BIRC3: variants seen among roughly 807,000 people sequenced by gnomAD.
BIRC3 encodes the protein baculoviral IAP repeat-containing protein 3.
In BIRC3, 26 loss-of-function variants were observed where a neutral mutation model predicts 59.0. That is an observed-to-expected ratio of 0.44 (90% confidence interval 0.32 to 0.61). BIRC3 has a LOEUF of 0.61. Among genes scored for constraint, BIRC3 ranks in the 20% least tolerant of loss-of-function variants. BIRC3 has a pLI of 0.04. For synonymous variants in BIRC3, 243 were observed against 249.2 expected, an observed-to-expected ratio of 0.98 and a Z score of 0.24; for missense variants, 641 against 711.5, an observed-to-expected ratio of 0.90 and a Z score of 1.13.
rs769041751 is a variant in BIRC3 at position 102,328,942 on chromosome 11, T to C, written c.1078T>C (p.Ser360Pro). 3 of 1,455,910 alleles carry C rather than the reference T, an allele frequency of 2.1e-6. No homozygotes were observed. In the African/African-American group the frequency reaches 4.5e-5, roughly 22 times the overall value. The allele number at this position is 1,455,910 out of a possible 1,614,324, so 90.2% of individuals were successfully genotyped here. ...DSPGDENAES[S>P]IIHFEPGEDH... ...CCCAGGAGATGAAAATGCAGAGTCA[T>C]CAAGTAAGTACAATGGATAATAATG... is the stretch of plus-strand genomic sequence containing the variant. The change falls in exon 5 of 9, where the codon TCA (serine) becomes CCA (proline). Residue 360 changes from serine (S) to proline (P), a missense_variant. Coordinates refer to ENST00000263464, the MANE Select transcript of BIRC3 (RefSeq NM_001165.5).
At chr11:102,328,305 C>A (rs1951104781) in intron 4 of BIRC3, among the ~76,000 whole-genome samples, 175 bp downstream of exon 4, 1 of 152,044 alleles carries the variant, frequency 6.6e-6, no homozygotes, top group African/African-American at 2.4e-5. Context: ...AAAATAGATC[C>A]ATAAATGGTA....
Position 102,327,966 on chromosome 11 carries a change from C to T in BIRC3, c.954-86C>T, listed in dbSNP as rs567440466. 1.9e-3 allele frequency: 1,904 copies of T among 994,572 alleles called. 4 individuals carry two copies. Among genetic ancestry groups the T allele is most frequent in the Non-Finnish European group, 2.4e-3 (1,612 of 665,548 alleles). 61.6% of individuals were successfully genotyped at this position (994,572 alleles called of 1,614,324 possible). ...ACAACCAGATTTGAAATGGAATAAA[C>T]ACCTAGAGATGAGAAATTTATGTTA... On this transcript the variant is annotated intron_variant, in intron 3 of 8. Coordinates refer to ENST00000263464, the MANE Select transcript of BIRC3 (RefSeq NM_001165.5).
chr11:102,325,439 T>G (rs776886929), intron 2 of BIRC3, 27 bp from the exon 3 acceptor site: 2 of 1,604,954 alleles, frequency 1.2e-6, no homozygotes, highest in Non-Finnish European at 1.7e-6. Flanking sequence ...TGTGTATTCA[T>G]AAGTTTTGGT....
chr11:102,338,609 A>G lies in BIRC3; in HGVS notation c.*1507A>G, dbSNP rs1263471296. ...GGGACCCAGCAAGGCCTGTCTGTTC[A>G]GATTATTCTTGGTCTCTGTGCAGCA... On this transcript the variant is annotated 3_prime_UTR_variant, in exon 9 of 9. Coordinates refer to ENST00000263464, the MANE Select transcript of BIRC3 (RefSeq NM_001165.5). 1 of 228,686 alleles carries G rather than the reference A, an allele frequency of 4.4e-6. No homozygotes were observed. The allele number at this position is 228,686 out of a possible 1,614,324, so 14.2% of individuals were successfully genotyped here.
chr11:102,335,691 A>G (rs893949931), intron 6 of BIRC3, among the ~76,000 whole-genome samples: 4 of 152,112 alleles, frequency 2.6e-5, no homozygotes, highest in African/African-American at 7.2e-5. Flanking sequence ...TATGTTGCCC[A>G]GTCTGGTCTC....
chr11:102,319,728 G>A (rs1951011926), intron 1 of BIRC3: 1 of 152,438 alleles, frequency 6.6e-6, no homozygotes, highest in Non-Finnish European at 1.5e-5. Context: ...CTAGGGAGCT[G>A]AGCCTATTGC....
intron 6 of BIRC3, among the ~76,000 whole-genome samples, chr11:102,332,722 C>G (rs969341777): frequency 3.3e-5 from 5 of 152,204 alleles, no homozygotes; most frequent in African/African-American, 1.2e-4. Context: ...CCAGACAAAC[C>G]TATCAGACCA....
At chr11:102,336,273 C>A (rs976803392) in intron 7 of BIRC3, 53 bp downstream of exon 7, 4 of 1,498,836 alleles carry the variant, frequency 2.7e-6, no homozygotes, top group African/African-American at 1.4e-5. Context: ...TGAAAATACG[C>A]TCTTATTAAT....
At chr11:102,327,832 T>TTTATTTATTTATTTATTATTATTATTCTA (rs1951100330) in intron 3 of BIRC3, among the ~76,000 whole-genome samples, 1 of 152,108 alleles carries the variant, frequency 6.6e-6, no homozygotes, top group African/African-American at 2.4e-5. Flanking sequence ...AAAGTTTTTT[T>TTTATTTATTTATTTATTATTATTATTCTA]TTTAAAAGCA....
rs1310031678 is a variant in BIRC3, at chr11:102,322,970, T to C, written c.-1540T>C. On this transcript the variant is annotated 5_prime_UTR_variant, in exon 2 of 9. It removes an upstream start codon present in the reference 5' UTR. Transcript: ENST00000263464. ...TCATGATAAATTCTGGTTCAAGGTA[T>C]GCTATCCATGAAATAATTTCTGACC... 5.0e-6 allele frequency: 1 copy of C among 201,470 alleles called. No individual in the cohort carries two copies. Among genetic ancestry groups the C allele is most frequent in the Non-Finnish European group, 1.0e-5 (1 of 97,826 alleles). 12.5% of individuals were successfully genotyped at this position (201,470 alleles called of 1,614,324 possible). A position where few individuals can be genotyped will look rare whatever the true frequency, so the allele number is the denominator to read the frequency against.
chr11:102,331,915 A>G (rs192003335), intron 6 of BIRC3, among the ~76,000 whole-genome samples: 1 of 152,344 alleles, frequency 6.6e-6, no homozygotes, highest in Admixed American at 6.5e-5. Flanking sequence ...TGCTGGGATT[A>G]CAGGCATGAG....
chr11:102,330,131 T>A (rs185611713), intron 5 of BIRC3, among the ~76,000 whole-genome samples: 11 of 152,238 alleles, frequency 7.2e-5, no homozygotes, highest in Admixed American at 2.0e-4. Context: ...AGGAAGTACT[T>A]GTCTTAGCAG....
Position 102,325,576 on chromosome 11 carries a change from T to C in BIRC3, c.953+11T>C, listed in dbSNP as rs2135785062. On this transcript the variant is annotated intron_variant, in intron 3 of 8. Coordinates refer to ENST00000263464, the MANE Select transcript of BIRC3 (RefSeq NM_001165.5). ...CAAGTGGTTTCCAAGGTAATTGTTT[T>C]GAAATTCTCTTTGCAAATTCTTGTG... The C allele has an allele frequency of 6.2e-7, 1 of 1,607,930 alleles. No homozygotes were observed. Among genetic ancestry groups the C allele is most frequent in the Non-Finnish European group, 8.5e-7 (1 of 1,176,938 alleles).
intron 1 of BIRC3, among the ~76,000 whole-genome samples, chr11:102,317,920 A>G (rs1591517006): frequency 6.6e-6 from 1 of 152,288 alleles, no homozygotes; most frequent in African/African-American, 2.4e-5. Flanking sequence ...AGCCTAAGGC[A>G]GAGCTCTGGC....
intron 7 of BIRC3, 81 bp downstream of exon 7, chr11:102,336,301 A>G: frequency 7.1e-7 from 1 of 1,417,498 alleles, no homozygotes; most frequent in Non-Finnish European, 9.4e-7. Flanking sequence ...GACTACTGAA[A>G]ATAATTCAGG....
intron 6 of BIRC3, among the ~76,000 whole-genome samples, chr11:102,335,724 C>T (rs2135792233): frequency 6.6e-6 from 1 of 152,130 alleles, no homozygotes; most frequent in Non-Finnish European, 1.5e-5. Flanking sequence ...TCAAGTGATC[C>T]TCCTACCTCA....
intron 4 of BIRC3, among the ~76,000 whole-genome samples, chr11:102,328,633 T>C (rs1374249404): frequency 6.6e-6 from 1 of 152,154 alleles, no homozygotes; most frequent in Non-Finnish European, 1.5e-5. Flanking sequence ...ATGGAAAAGA[T>C]ATAGTCCGTT....
chr11:102,333,730 A>G (rs1014206574), intron 6 of BIRC3, among the ~76,000 whole-genome samples: 2 of 152,184 alleles, frequency 1.3e-5, no homozygotes, highest in South Asian at 2.1e-4. Context: ...TGGGTGACAG[A>G]GCAAGACTCT....
intron 6 of BIRC3, among the ~76,000 whole-genome samples, chr11:102,334,773 T>C (rs953786829): frequency 6.6e-6 from 1 of 152,214 alleles, no homozygotes; most frequent in East Asian, 1.9e-4. Flanking sequence ...AATCTAGGTC[T>C]TGAAGGAGAA....
Sources: allele counts gnomAD v4.1 joint callset (sites outside exome capture counted in the v4.1 genomes callset), GRCh38; gene constraint gnomAD v4.1.1; transcripts MANE v1.5; gene names NCBI Gene and HGNC (gene_info 2026-07-23, HGNC 2026-07-21).